The following NEURL1 variants were observed in gnomAD, a reference collection of about 807,000 sequenced individuals.
NEURL1 encodes E3 ubiquitin-protein ligase NEURL1.
NEURL1 carries 26 observed loss-of-function variants against 41.2 expected under a neutral mutation model. That is an observed-to-expected ratio of 0.63 (90% confidence interval 0.46 to 0.87). The LOEUF (loss-of-function observed/expected upper bound fraction) is 0.87, where lower values mean the gene tolerates loss of function less well. Ranked by LOEUF, NEURL1 falls within the 40% of genes least tolerant of loss-of-function variation. The pLI is 0.00. For synonymous variants in NEURL1, 400 were observed against 402.3 expected (o/e 0.99, Z 0.07); for missense variants, 761 against 871.1 (o/e 0.87, Z 1.59).
At chr10:103,568,252 A>T (rs1384749345) in intron 1 of NEURL1, among the ~76,000 whole-genome samples, 1 of 152,130 alleles carries the variant, frequency 6.6e-6, no homozygotes, top group Admixed American at 6.5e-5. Context: ...CCCCTACCCA[A>T]CACTGGGATT....
intron 1 of NEURL1, among the ~76,000 whole-genome samples, chr10:103,518,431 TCTAAGTA>T (rs2034267317): frequency 6.6e-6 from 1 of 152,156 alleles, no homozygotes; most frequent in Non-Finnish European, 1.5e-5. Flanking sequence ...CAGGCACTGT[TCTAAGTA>T]CTAGGATACA....
chr10:103,570,945 G>T lies in NEURL1; in HGVS notation c.159G>T (p.Leu53=), dbSNP rs2035528161. 1 of 1,613,914 alleles carries T rather than the reference G, an allele frequency of 6.2e-7. No individual in the cohort carries two copies. The highest frequency in any genetic ancestry group is 8.5e-7 in the Non-Finnish European group (1 of 1,180,016). Residue 53 remains leucine (L), a synonymous_variant, in exon 2 of 6, where the codon CTG becomes CTT. Coordinates refer to ENST00000369780, the MANE Select transcript of NEURL1 (RefSeq NM_004210.5). ...HHKQKHCPAV[L]PSGGLPATPL... ...AGCAGAAGCACTGTCCGGCAGTGCT[G>T]CCCAGCGGGGGGCTCCCAGCCACGC...
At chr10:103,546,734 C>T (rs559940822) in intron 1 of NEURL1, among the ~76,000 whole-genome samples, 1 of 152,336 alleles carries the variant, frequency 6.6e-6, no homozygotes, top group South Asian at 2.1e-4. Context: ...TTGTCAAGTT[C>T]CTGCCTAGTT....
At position 103,585,123 on chromosome 10, in the gene NEURL1, C is replaced by A; in HGVS notation, c.1237C>A (p.His413Asn). The A allele has an allele frequency of 6.3e-7, 1 of 1,590,700 alleles. No individual in the cohort carries two copies. Among genetic ancestry groups the A allele is most frequent in the Admixed American group, 1.7e-5 (1 of 59,190 alleles). Residue 413 changes from histidine to asparagine, a missense_variant, in exon 4 of 6, where the codon CAC becomes AAC. By Grantham distance (68) the His-to-Asn change is moderately conservative. This residue lies in a region of NEURL1 where 443 missense variants were observed against 408.1 expected (regional missense o/e 1.09). Transcript: ENST00000369780. ...VNADGELHLS[H>N]NGAAAGMQLC... is the part of the protein sequence containing the mutation. ...CGCCGACGGCGAGCTGCACCTCAGC[C>A]ACAATGGCGCGGCCGCCGGCATGCA...
chr10:103,538,837 G>A (rs1187714221), intron 1 of NEURL1, among the ~76,000 whole-genome samples: 1 of 151,460 alleles, frequency 6.6e-6, no homozygotes, highest in Admixed American at 6.6e-5. Context: ...AGTAGAGGAG[G>A]GGTTTCACCG....
intron 1 of NEURL1, among the ~76,000 whole-genome samples, chr10:103,537,637 G>T (rs1424650113): frequency 6.6e-6 from 1 of 152,068 alleles, no homozygotes; most frequent in African/African-American, 2.4e-5. Context: ...CAAGCGATCC[G>T]CCCACCTCAG....
chr10:103,518,930 A>C (rs533838748), intron 1 of NEURL1, among the ~76,000 whole-genome samples: 6 of 152,340 alleles, frequency 3.9e-5, no homozygotes, highest in Middle Eastern at 3.4e-3. Context: ...TATTTTTAAC[A>C]ATAAGCACAT....
chr10:103,532,122 A>G (rs1354303488), intron 1 of NEURL1, among the ~76,000 whole-genome samples: 1 of 152,156 alleles, frequency 6.6e-6, no homozygotes, highest in Non-Finnish European at 1.5e-5. Context: ...TAGTTAGGTC[A>G]TTTATTTTCT....
intron 1 of NEURL1, among the ~76,000 whole-genome samples, chr10:103,562,642 A>G (rs2035322583): frequency 6.6e-6 from 1 of 152,186 alleles, no homozygotes; most frequent in African/African-American, 2.4e-5. Flanking sequence ...AATCTTGTGT[A>G]AGAACCAGGA....
At chr10:103,506,088 C>T (rs2033939861) in intron 1 of NEURL1, among the ~76,000 whole-genome samples, 1 of 152,206 alleles carries the variant, frequency 6.6e-6, no homozygotes, top group Non-Finnish European at 1.5e-5. Flanking sequence ...CCTGGCTGCT[C>T]CAGCGGTTGG....
intron 1 of NEURL1, among the ~76,000 whole-genome samples, chr10:103,565,048 G>A (rs2035389301): frequency 6.6e-6 from 1 of 152,190 alleles, no homozygotes; most frequent in Admixed American, 6.5e-5. Context: ...AGAGTGGCGA[G>A]GCCTGAGTTA....
intron 3 of NEURL1, among the ~76,000 whole-genome samples, chr10:103,582,839 TA>T (rs1227164218): frequency 1.3e-5 from 2 of 152,146 alleles, no homozygotes; most frequent in African/African-American, 4.8e-5. Flanking sequence ...GCACCAGGCA[TA>T]TTTGGAGAGA....
chr10:103,570,928 C>G lies in NEURL1; in HGVS notation c.142C>G (p.His48Asp), dbSNP rs1431023324. Residue 48 changes from histidine to aspartate, a missense_variant, in exon 2 of 6, where the codon CAC becomes GAC. Transcript: ENST00000369780. ...TCACCGATGCCACCACAAGCAGAAG[C>G]ACTGTCCGGCAGTGCTGCCCAGCGG... Reference protein sequence around the residue: ...TSHRCHHKQKHCPAVLPSGGL... With the variant: ...TSHRCHHKQKDCPAVLPSGGL... 4.3e-6 allele frequency: 7 copies of G among 1,613,918 alleles called. No homozygotes were observed. The South Asian group carries it at 7.7e-5, about 18-fold the overall frequency.
intron 1 of NEURL1, among the ~76,000 whole-genome samples, chr10:103,496,257 A>C (rs973700331): frequency 3.3e-5 from 5 of 152,220 alleles, no homozygotes; most frequent in African/African-American, 1.2e-4. Context: ...TGGATAACCT[A>C]AATGCTCAGT....
intron 1 of NEURL1, chr10:103,550,772 G>A (rs549383186): frequency 6.6e-6 from 1 of 152,340 alleles, no homozygotes; most frequent in African/African-American, 2.4e-5. Context: ...CATGAGTTTT[G>A]ATGTCAGGCA....
intron 1 of NEURL1, among the ~76,000 whole-genome samples, chr10:103,532,772 G>A (rs1307644513): frequency 1.3e-5 from 2 of 151,080 alleles, no homozygotes; most frequent in African/African-American, 4.9e-5. Flanking sequence ...TGACTATAAT[G>A]GCCTCAGGGA....
intron 4 of NEURL1, among the ~76,000 whole-genome samples, chr10:103,586,556 G>A (rs891126996): frequency 2.0e-5 from 3 of 152,224 alleles, no homozygotes; most frequent in African/African-American, 7.2e-5. Context: ...AAGATAATGT[G>A]TGTAGATGAG....
chr10:103,552,550 C>T (rs1348684070), intron 1 of NEURL1, among the ~76,000 whole-genome samples: 2 of 152,228 alleles, frequency 1.3e-5, no homozygotes. Flanking sequence ...CCTGAGCCTC[C>T]CAGAACCTTG....
At position 103,584,563 on chromosome 10, in the gene NEURL1, TGCGGCCGCGCTCCTTCACCGCCCTGCG is replaced by T. The variant is rs1326838372; in HGVS notation, c.685_711del (p.Arg229_Pro237del). 1 of 1,411,192 alleles carries T rather than the reference TGCGGCCGCGCTCCTTCACCGCCCTGCG, an allele frequency of 7.1e-7. No individual in the cohort carries two copies. The highest frequency in any genetic ancestry group is 3.1e-5 in the Admixed American group (1 of 31,900). The allele number at this position is 1,411,192 out of a possible 1,614,324, so 87.4% of individuals were successfully genotyped here. ...AGCGAGCTGGTGCTCCCGGACTGTC[TGCGGCCGCGCTCCTTCACCGCCCTGCG>T]GCGGCCGTCGCTGCGGCGCGAGGCG... On this transcript the variant is annotated inframe_deletion, in exon 4 of 6. Transcript: ENST00000369780.
Sources: gnomAD v4.1 joint callset for allele counts (sites outside exome capture counted in the v4.1 genomes callset) on GRCh38, gnomAD v4.1.1 for gene constraint, gnomAD v4.1.1 regional missense constraint, MANE v1.5 for transcripts, NCBI Gene and HGNC (gene_info 2026-07-23, HGNC 2026-07-21) for gene names.